EIF2S1: variants seen among roughly 807,000 people sequenced by gnomAD.
EIF2S1 encodes eukaryotic translation initiation factor 2 subunit alpha.
A neutral mutation model predicts 33.5 loss-of-function variants in EIF2S1; 5 were observed. That is an observed-to-expected ratio of 0.15 (90% CI 0.08 to 0.31). The LOEUF (loss-of-function observed/expected upper bound fraction) is 0.31, where lower values mean the gene tolerates loss of function less well. EIF2S1 is among the 10% of genes least tolerant of loss of function. The pLI, the probability that EIF2S1 is intolerant of heterozygous loss-of-function variation, is 1.00. For synonymous variants in EIF2S1, 99 were observed against 127.5 expected, an observed-to-expected ratio of 0.78 and a Z score of 1.51; for missense variants, 191 against 384.6, an observed-to-expected ratio of 0.50 and a Z score of 4.21.
At chr14:67,379,740 C>T (rs1203387449) in intron 4 of EIF2S1, among the ~76,000 whole-genome samples, 3 of 137,930 alleles carry the variant, frequency 2.2e-5, no homozygotes, top group Non-Finnish European at 4.5e-5. Context: ...CTGCAAGCTC[C>T]GCCTCCCGGG....
At position 67,364,929 on chromosome 14, in the gene EIF2S1, G is replaced by C. The variant is rs759451377; in HGVS notation, c.162G>C (p.Arg54Ser). The C allele has an allele frequency of 6.2e-7, 1 of 1,613,994 alleles. No homozygotes were observed. The highest frequency in any genetic ancestry group is 8.5e-7 in the Non-Finnish European group (1 of 1,179,956). Reference sequence around the variant, plus strand: ...TTCTTCTTAGTGAATTATCCAGAAGGCGTATCCGTTCTATCAACAAACTCA... The same window carrying C: ...TTCTTCTTAGTGAATTATCCAGAAGCCGTATCCGTTCTATCAACAAACTCA... Reference protein sequence around the residue: ...GMILLSELSRRRIRSINKLIR... With the variant: ...GMILLSELSRSRIRSINKLIR... Residue 54 changes from arginine (R) to serine (S), a missense_variant, in exon 2 of 8, where the codon AGG becomes AGC. Transcript: ENST00000256383.
At chr14:67,379,692 T>C (rs1566616621) in intron 4 of EIF2S1, among the ~76,000 whole-genome samples, 1 of 134,230 alleles carries the variant, frequency 7.4e-6, no homozygotes, top group Non-Finnish European at 1.5e-5. Context: ...TCTCGCTCTG[T>C]CGCCCAGGCT....
intron 2 of EIF2S1, among the ~76,000 whole-genome samples, chr14:67,371,866 A>G (rs903343179): frequency 1.3e-5 from 2 of 152,248 alleles, no homozygotes; most frequent in South Asian, 2.1e-4. Flanking sequence ...TGTGATTAGC[A>G]TAGATAAAAC....
At chr14:67,365,053 GGTTT>G (rs1448138247) in intron 2 of EIF2S1, 45 bp downstream of exon 2, 1 of 1,502,134 alleles carries the variant, frequency 6.7e-7, no homozygotes, top group Non-Finnish European at 8.9e-7. Context: ...GATTTAAAAT[GGTTT>G]ATTTAAAAAT....
chr14:67,370,223 G>A (rs1437260450), intron 2 of EIF2S1, among the ~76,000 whole-genome samples: 5 of 152,218 alleles, frequency 3.3e-5, no homozygotes, highest in South Asian at 4.1e-4. Context: ...CAACCTTCCA[G>A]CTTGGGCGTT....
intron 5 of EIF2S1, 72 bp downstream of exon 5, chr14:67,380,837 C>A: frequency 2.6e-6 from 2 of 757,794 alleles, no homozygotes; most frequent in Non-Finnish European, 2.0e-6. Context: ...ATGAGACTTA[C>A]CAAAGAATAT....
At chr14:67,360,813 A>G (rs1297588021) in intron 1 of EIF2S1, 1 of 152,224 alleles carries the variant, frequency 6.6e-6, no homozygotes, top group Admixed American at 6.5e-5. Flanking sequence ...CAGGACGCTG[A>G]GCACTTTGCT....
chr14:67,361,735 T>A (rs1031466641), intron 1 of EIF2S1, among the ~76,000 whole-genome samples: 5 of 152,372 alleles, frequency 3.3e-5, no homozygotes, highest in African/African-American at 1.2e-4. Context: ...TGATACTTTT[T>A]ACATCAGAAC....
chr14:67,377,708 C>T (rs946263623), intron 4 of EIF2S1, among the ~76,000 whole-genome samples: 1 of 152,054 alleles, frequency 6.6e-6, no homozygotes, highest in Non-Finnish European at 1.5e-5. Context: ...GCTTTTACTC[C>T]ATCAGCATAA....
chr14:67,365,154 G>A (rs1416230031), intron 2 of EIF2S1, 146 bp downstream of exon 2: 2 of 867,398 alleles, frequency 2.3e-6, no homozygotes, highest in East Asian at 5.6e-5. Flanking sequence ...GTTAGAAAAG[G>A]ATGCCAATTA....
rs535862520 is a variant in EIF2S1 at position 67,376,982 on chromosome 14, T to C, written c.473+392T>C. Among the ~76,000 whole-genome samples the C allele has an allele frequency of 3.3e-5, 5 of 152,324 alleles. No individual in the cohort carries two copies. In the South Asian group the frequency reaches 8.3e-4, roughly 25 times the overall value. On this transcript the variant is annotated intron_variant, in intron 4 of 7. Transcript: ENST00000256383. ...GGGCCTTACTATCACCGGGATTTGC[T>C]CTGCCACTAAAATCTTTAATTCACA...
chr14:67,377,266 C>T (rs1304558744), intron 4 of EIF2S1, among the ~76,000 whole-genome samples: 3 of 152,190 alleles, frequency 2.0e-5, no homozygotes, highest in Non-Finnish European at 4.4e-5. Context: ...CCTGCCTTCT[C>T]TGTACTTGTA....
intron 2 of EIF2S1, among the ~76,000 whole-genome samples, chr14:67,366,225 C>G (rs1353543876): frequency 6.6e-6 from 1 of 152,022 alleles, no homozygotes; most frequent in Non-Finnish European, 1.5e-5. Context: ...GAACTACAGG[C>G]ATGTGCCACC....
At chr14:67,366,962 G>A (rs1015941801) in intron 2 of EIF2S1, among the ~76,000 whole-genome samples, 6 of 152,072 alleles carry the variant, frequency 3.9e-5, no homozygotes, top group Admixed American at 6.5e-5. Flanking sequence ...AACTGGAGGC[G>A]AGAGTTGTAG....
At chr14:67,374,033 A>C (rs1189461956) in intron 2 of EIF2S1, among the ~76,000 whole-genome samples, 1 of 152,150 alleles carries the variant, frequency 6.6e-6, no homozygotes, top group East Asian at 1.9e-4. Flanking sequence ...AAGGTAATGG[A>C]ATATATATAA....
intron 2 of EIF2S1, among the ~76,000 whole-genome samples, chr14:67,370,977 C>T (rs114125913): frequency 0.016 from 2,502 of 151,646 alleles, 32 homozygotes; most frequent in Middle Eastern, 0.097. Context: ...TGCAGTAAGC[C>T]GAGGTCATGC....
Position 67,364,828 on chromosome 14 carries a change from A to G in EIF2S1, c.61A>G (p.Met21Val). Reference protein sequence around the residue: ...HKFPEVEDVVMVNVRSIAEMG... With the variant: ...HKFPEVEDVVVVNVRSIAEMG... ...ATTTCCTGAGGTGGAAGATGTAGTGATGGTGAATGTCAGATCCATTGCTGA... is the reference window on the plus strand; with the variant it reads ...ATTTCCTGAGGTGGAAGATGTAGTGGTGGTGAATGTCAGATCCATTGCTGA... The change falls in exon 2 of 8, where the codon ATG becomes GTG. Residue 21 changes from methionine to valine, a missense_variant. Transcript: ENST00000256383. 1.2e-6 allele frequency: 2 copies of G among 1,614,018 alleles called. No homozygotes were observed. The highest frequency in any genetic ancestry group is 2.2e-5 in the South Asian group (2 of 91,080).
chr14:67,376,736 G>A, intron 4 of EIF2S1, 146 bp downstream of exon 4: 1 of 726,014 alleles, frequency 1.4e-6, no homozygotes, highest in Non-Finnish European at 2.2e-6. Context: ...AATCCTATAT[G>A]GTCAAGTCTG....
In EIF2S1 at chr14:67,376,534, T is replaced by G. The variant is rs143711003; in HGVS notation, c.417T>G (p.Asp139Glu). ...TCCAGAGGACTGCCTGGGTCTTTGA[T>G]GACAAGTACAAGAGACCTGGATATG... ...SLFQRTAWVFDDKYKRPGYGA... is the reference protein window; with the variant it reads ...SLFQRTAWVFEDKYKRPGYGA... The change falls in exon 4 of 8, where the codon GAT (aspartate) becomes GAG (glutamate). Residue 139 changes from aspartate (D) to glutamate (E), a missense_variant. Asp to Glu is a conservative substitution (Grantham distance 45, BLOSUM62 2). Transcript: ENST00000256383. The G allele has an allele frequency of 6.2e-7, 1 of 1,614,014 alleles. No homozygotes were observed. The highest frequency in any genetic ancestry group is 1.3e-5 in the African/African-American group (1 of 74,924).
Sources: gnomAD v4.1 joint callset for allele counts (sites outside exome capture counted in the v4.1 genomes callset) on GRCh38, gnomAD v4.1.1 for gene constraint, MANE v1.5 for transcripts, NCBI Gene and HGNC (gene_info 2026-07-23, HGNC 2026-07-21) for gene names.